ADAMTS18: variants seen among roughly 807,000 people sequenced by gnomAD.
ADAMTS18 encodes the protein ADAM metallopeptidase with thrombospondin type 1 motif 18.
In ADAMTS18, 157 loss-of-function variants were observed where a neutral mutation model predicts 165.9. The observed-to-expected ratio is 0.95, with a 90% CI of 0.83 to 1.08. ADAMTS18 has a LOEUF of 1.08. Among genes scored for constraint, ADAMTS18 ranks in the 50% least tolerant of loss-of-function variants. The probability of loss-of-function intolerance (pLI) is 0.00; values close to 1 mark genes in which losing one functional copy is unlikely to be tolerated. For missense variants in ADAMTS18, 2,040 were observed against 1,534.0 expected (o/e 1.33, Z -5.51); for synonymous variants, 782 against 578.2 (o/e 1.35, Z -5.06).
chr16:77,295,393 C>A (rs2055449935), intron 18 of ADAMTS18, among the ~76,000 whole-genome samples: 1 of 95,554 alleles, frequency 1.0e-5, no homozygotes, highest in African/African-American at 5.3e-5. Context: ...TTAAAATCTG[C>A]ACAATTCATT....
chr16:77,395,234 G>C (rs955712564), intron 3 of ADAMTS18, among the ~76,000 whole-genome samples: 1 of 152,174 alleles, frequency 6.6e-6, no homozygotes. Context: ...GATGGGGTTG[G>C]AAGGTGGGTA....
chr16:77,349,868 C>T lies in ADAMTS18; in HGVS notation c.1614+3865G>A, dbSNP rs548912815. Among the ~76,000 whole-genome samples, 5 of 152,200 alleles carry T rather than the reference C, an allele frequency of 3.3e-5. No individual in the cohort carries two copies. The South Asian group carries it at 1.0e-3, about 32-fold the overall frequency. On this transcript the variant is annotated intron_variant, in intron 10 of 22. Transcript: ENST00000282849. ...CATTCACAAGAATTTAAATATCTTC[C>T]CCACGATTTCTACTCAGCTTCAAAC...
In ADAMTS18 at chr16:77,362,151, T is replaced by C. The variant is rs1264085145; in HGVS notation, c.1170A>G (p.Thr390=). 2 of 1,614,108 alleles carry C rather than the reference T, an allele frequency of 1.2e-6. No homozygotes were observed. The highest frequency in any genetic ancestry group is 3.3e-5 in the Admixed American group (2 of 60,022). The part of the protein sequence containing the change: ...GKRHDHAILL[T]GFDICSWKNE... ...TCTTCCAAGAACAAATATCAAATCC[T>C]GTTAGTAAGATGGCATGATCATGTC... Residue 390 remains threonine, a synonymous_variant, in exon 7 of 23, where the codon ACA becomes ACG. Transcript: ENST00000282849.
At chr16:77,383,413 C>G (rs533978545) in intron 3 of ADAMTS18, among the ~76,000 whole-genome samples, 1 of 152,218 alleles carries the variant, frequency 6.6e-6, no homozygotes, top group East Asian at 1.9e-4. Flanking sequence ...TACATTCACT[C>G]CATTGCTGTT....
chr16:77,420,388 C>G (rs528147862), intron 3 of ADAMTS18, among the ~76,000 whole-genome samples: 5 of 152,246 alleles, frequency 3.3e-5, no homozygotes, highest in Non-Finnish European at 7.4e-5. Flanking sequence ...TGCATTAGGA[C>G]TACCCTGGGG....
chr16:77,345,968 C>A (rs1474133788), intron 10 of ADAMTS18, among the ~76,000 whole-genome samples: 7 of 152,180 alleles, frequency 4.6e-5, no homozygotes. Context: ...GACACTGTAT[C>A]CTACCAGTTT....
At chr16:77,314,635 A>G (rs2052879) in intron 16 of ADAMTS18, among the ~76,000 whole-genome samples, 79,456 of 132,944 alleles carry the variant, frequency 0.6, 24,643 homozygotes, top group Non-Finnish European at 0.65. Flanking sequence ...ATGTGTGTGT[A>G]TGTGTGTGTG....
chr16:77,412,271 G>A (rs2057474721), intron 3 of ADAMTS18, among the ~76,000 whole-genome samples: 1 of 152,088 alleles, frequency 6.6e-6, no homozygotes, highest in South Asian at 2.1e-4. Flanking sequence ...TCTTCTCAAC[G>A]AGTCTTGGGA....
chr16:77,357,554 C>G (rs17713725), intron 8 of ADAMTS18, among the ~76,000 whole-genome samples: 25,044 of 152,034 alleles, frequency 0.16, 2,449 homozygotes, highest in East Asian at 0.27. Context: ...CGAGAAGAAA[C>G]AGCAAGAATC....
In ADAMTS18 at chr16:77,359,414, G is replaced by C. The variant is rs756784412; in HGVS notation, c.1226C>G (p.Pro409Arg). 1 of 1,613,542 alleles carries C rather than the reference G, an allele frequency of 6.2e-7. No individual in the cohort carries two copies. The highest frequency in any genetic ancestry group is 1.3e-5 in the African/African-American group (1 of 75,006). The stretch of plus-strand genomic sequence containing the variant: ...GTACTTAGAGCACATTCCACTGATG[G>C]GGGCAAACCCTATTGAAAGAGCAGT... ...NEPCDTLGFA[P>R]ISGMCSKYRS... is the part of the protein sequence containing the mutation. Residue 409 changes from proline (P) to arginine (R), a missense_variant, in exon 8 of 23, where the codon CCC becomes CGC. Pro to Arg is a moderately radical substitution (Grantham distance 103, BLOSUM62 -2). Coordinates refer to ENST00000282849, the MANE Select transcript of ADAMTS18 (RefSeq NM_199355.4).
intron 13 of ADAMTS18, among the ~76,000 whole-genome samples, chr16:77,323,240 G>C (rs1400810084): frequency 6.6e-6 from 1 of 152,154 alleles, no homozygotes; most frequent in Admixed American, 6.5e-5. Context: ...TCTCACAGGA[G>C]ACCTTCTGTG....
intron 16 of ADAMTS18, among the ~76,000 whole-genome samples, chr16:77,312,324 C>T (rs1330685130): frequency 1.3e-5 from 2 of 152,032 alleles, no homozygotes; most frequent in Non-Finnish European, 2.9e-5. Context: ...GCAACCTCTG[C>T]CTCCTGGGTT....
At chr16:77,367,147 T>C (rs891390458) in intron 4 of ADAMTS18, among the ~76,000 whole-genome samples, 2 of 152,182 alleles carry the variant, frequency 1.3e-5, no homozygotes, top group Non-Finnish European at 2.9e-5. Context: ...TCTTTTGTCA[T>C]TGGAAATCTA....
chr16:77,346,215 AC>A (rs1416269078), intron 10 of ADAMTS18, among the ~76,000 whole-genome samples: 2 of 152,110 alleles, frequency 1.3e-5, no homozygotes, highest in African/African-American at 4.8e-5. Flanking sequence ...TTCCAAACTT[AC>A]TTAGCACTTG....
intron 3 of ADAMTS18, among the ~76,000 whole-genome samples, chr16:77,373,311 A>G (rs2056902562): frequency 6.6e-6 from 1 of 151,956 alleles, no homozygotes; most frequent in Non-Finnish European, 1.5e-5. Context: ...TGTCTCTACT[A>G]AAAATACAAA....
At chr16:77,320,744 A>T (rs889795202) in intron 15 of ADAMTS18, among the ~76,000 whole-genome samples, 11 of 152,224 alleles carry the variant, frequency 7.2e-5, no homozygotes, top group Non-Finnish European at 1.3e-4. Flanking sequence ...TATTTAGATA[A>T]CTGCTTCAAA....
chr16:77,300,155 C>T (rs919176074), intron 17 of ADAMTS18, 108 bp downstream of exon 17: 3 of 1,324,316 alleles, frequency 2.3e-6, no homozygotes, highest in Non-Finnish European at 3.2e-6. Flanking sequence ...TCATAAAAGA[C>T]AGTTCTTGGG....
In ADAMTS18 at chr16:77,309,669, T is replaced by A. The variant is rs117837016; in HGVS notation, c.2533-9265A>T. 7.2e-5 allele frequency among the ~76,000 whole-genome samples: 11 copies of A among 152,340 alleles called. No homozygotes were observed. In the South Asian group the frequency reaches 2.3e-3, roughly 32 times the overall value. On this transcript the variant is annotated intron_variant, in intron 16 of 22. Coordinates refer to ENST00000282849, the MANE Select transcript of ADAMTS18 (RefSeq NM_199355.4). Reference sequence around the variant, plus strand: ...AACCAGAAGCAGAAGACACTTTTATTTGGCATCAAACCATGCACTTATTTC... The same window carrying A: ...AACCAGAAGCAGAAGACACTTTTATATGGCATCAAACCATGCACTTATTTC...
chr16:77,377,677 T>A (rs1208169794), intron 3 of ADAMTS18, among the ~76,000 whole-genome samples: 1 of 152,222 alleles, frequency 6.6e-6, no homozygotes, highest in Non-Finnish European at 1.5e-5. Flanking sequence ...TGGTCATCAA[T>A]AATTAATTTA....
Sources: gnomAD v4.1 joint callset for allele counts (sites outside exome capture counted in the v4.1 genomes callset) on GRCh38, gnomAD v4.1.1 for gene constraint, MANE v1.5 for transcripts, NCBI Gene and HGNC (gene_info 2026-07-23, HGNC 2026-07-21) for gene names.